Variants in ODAD2 observed in about 807,000 individuals in gnomAD.
ODAD2 encodes the protein outer dynein arm-docking complex subunit 2.
ODAD2 carries 89 observed loss-of-function variants against 106.8 expected under a neutral mutation model. The ratio of observed to expected loss-of-function variants is 0.83; its 90% CI spans 0.70 to 0.99. The LOEUF (loss-of-function observed/expected upper bound fraction) is 0.99. ODAD2 is among the 50% of genes least tolerant of loss of function. The pLI, the probability that ODAD2 is intolerant of heterozygous loss-of-function variation, is 0.00. For missense variants in ODAD2, 1,168 were observed against 1,238.5 expected, an observed-to-expected ratio of 0.94 and a Z score of 0.85; for synonymous variants, 404 against 436.2, an observed-to-expected ratio of 0.93 and a Z score of 0.92.
At chr10:27,829,900 C>T (rs1589769071) in intron 19 of ODAD2, among the ~76,000 whole-genome samples, 1 of 151,204 alleles carries the variant, frequency 6.6e-6, no homozygotes, top group Admixed American at 6.6e-5. Context: ...AGCTTCAGGA[C>T]TGGCCCTAAG....
chr10:27,827,412 T>TATATATATATATATATATATA (rs1837152527), intron 19 of ODAD2, among the ~76,000 whole-genome samples: 2 of 139,270 alleles, frequency 1.4e-5, no homozygotes, highest in African/African-American at 5.5e-5. Flanking sequence ...TATATATATA[T>TATATATATATATATATATATA]TCCATGTTTC....
intron 16 of ODAD2, among the ~76,000 whole-genome samples, chr10:27,928,301 T>G (rs548502964): frequency 1.8e-4 from 28 of 152,282 alleles, no homozygotes; most frequent in Admixed American, 1.2e-3. Flanking sequence ...TGTTCAGTCA[T>G]TCACTTGGTC....
At chr10:27,898,823 G>A (rs2065690) in intron 17 of ODAD2, among the ~76,000 whole-genome samples, 100,657 of 151,914 alleles carry the variant, frequency 0.66, 33,680 homozygotes, top group Middle Eastern at 0.74. Context: ...ATTCCAGTAA[G>A]GATTTGAGAT....
At chr10:27,934,552 T>A (rs1845830103) in intron 16 of ODAD2, among the ~76,000 whole-genome samples, 1 of 151,894 alleles carries the variant, frequency 6.6e-6, no homozygotes, top group African/African-American at 2.4e-5. Flanking sequence ...AATTAGACAA[T>A]AAGGAGCAAC....
intron 10 of ODAD2, among the ~76,000 whole-genome samples, chr10:27,954,528 T>C (rs1847587947): frequency 1.3e-5 from 2 of 150,786 alleles, no homozygotes; most frequent in Admixed American, 1.3e-4. Flanking sequence ...AATGAATGAA[T>C]GAGTTGAAGC....
At chr10:27,920,853 TA>T (rs1284693037) in intron 16 of ODAD2, among the ~76,000 whole-genome samples, 2 of 148,828 alleles carry the variant, frequency 1.3e-5, no homozygotes, top group Non-Finnish European at 3.0e-5. Context: ...AAACCCAATG[TA>T]AAAACTGAAA....
At chr10:27,821,992 A>C (rs1836652055) in intron 19 of ODAD2, among the ~76,000 whole-genome samples, 1 of 152,208 alleles carries the variant, frequency 6.6e-6, no homozygotes, top group Admixed American at 6.5e-5. Context: ...GAGCACTTTA[A>C]AACATCATTC....
chr10:27,908,048 T>A (rs1843727185), intron 16 of ODAD2, among the ~76,000 whole-genome samples: 1 of 152,200 alleles, frequency 6.6e-6, no homozygotes, highest in African/African-American at 2.4e-5. Context: ...ATTTTTTAAT[T>A]AGCTGTACAC....
intron 17 of ODAD2, among the ~76,000 whole-genome samples, chr10:27,863,787 T>C (rs1840244068): frequency 6.6e-6 from 1 of 151,888 alleles, no homozygotes; most frequent in Non-Finnish European, 1.5e-5. Context: ...AATCATCATG[T>C]TGCACAGATC....
intron 7 of ODAD2, among the ~76,000 whole-genome samples, chr10:27,974,315 C>T (rs1378093982): frequency 6.6e-6 from 1 of 151,866 alleles, no homozygotes; most frequent in Non-Finnish European, 1.5e-5. Context: ...GTTGCAATTG[C>T]AAATGGTATT....
At chr10:27,913,198 G>A (rs565692714) in intron 16 of ODAD2, among the ~76,000 whole-genome samples, 21 of 152,024 alleles carry the variant, frequency 1.4e-4, no homozygotes, top group South Asian at 8.4e-4. Flanking sequence ...TACGTGTCGC[G>A]GGGGTTTGGT....
At chr10:27,869,227 G>A (rs1589866949) in intron 17 of ODAD2, among the ~76,000 whole-genome samples, 1 of 151,918 alleles carries the variant, frequency 6.6e-6, no homozygotes, top group East Asian at 1.9e-4. Context: ...AAAACTGAAG[G>A]GTAATGTAAA....
At chr10:27,964,730 T>G (rs1462213861) in intron 9 of ODAD2, among the ~76,000 whole-genome samples, 1 of 152,190 alleles carries the variant, frequency 6.6e-6, no homozygotes, top group Non-Finnish European at 1.5e-5. Context: ...CCCATTATTT[T>G]GTAGCTCAGT....
At chr10:27,887,128 G>T (rs979273132) in intron 17 of ODAD2, among the ~76,000 whole-genome samples, 4 of 151,946 alleles carry the variant, frequency 2.6e-5, no homozygotes, top group Non-Finnish European at 5.9e-5. Context: ...CATCATTTTA[G>T]ATTTAAGGAT....
chr10:27,944,282 A>G lies in ODAD2; in HGVS notation c.1683T>C (p.Asn561=), dbSNP rs1846701519. 6.2e-7 allele frequency: 1 copy of G among 1,614,012 alleles called. No homozygotes were observed. The highest frequency in any genetic ancestry group is 2.2e-5 in the East Asian group (1 of 44,820). ...GCCGTGCTCTTTTAAACTTGGCAAC[A>G]TTCGCGATAGTCTCGGCTGCCAAAC... ...LKCLAAETIA[N]VAKFKRARRV... The change falls in exon 12 of 20, where the codon AAT becomes AAC. Residue 561 remains asparagine (N), a synonymous_variant. Transcript: ENST00000305242.
At position 27,845,702 on chromosome 10, in the gene ODAD2, G is replaced by C. The variant is rs371761494; in HGVS notation, c.3021+14923C>G. ...ATCTCATGTGCAGAGACACACATAG[G>C]ATCAAAATAAAGGTATGGAGGAAGA... On this transcript the variant is annotated intron_variant, in intron 19 of 19. Coordinates refer to ENST00000305242, the MANE Select transcript of ODAD2 (RefSeq NM_018076.5). Among the ~76,000 whole-genome samples, 220 of 152,230 alleles carry C rather than the reference G, an allele frequency of 1.4e-3. 6 individuals are homozygous for C. The South Asian group carries it at 0.044, about 31-fold the overall frequency.
At chr10:27,976,330 C>T (rs1192450806) in intron 7 of ODAD2, among the ~76,000 whole-genome samples, 2 of 152,042 alleles carry the variant, frequency 1.3e-5, no homozygotes, top group African/African-American at 2.4e-5. Flanking sequence ...ATGATCTTTA[C>T]TCACTAACAA....
intron 17 of ODAD2, among the ~76,000 whole-genome samples, chr10:27,883,225 G>A (rs980837005): frequency 6.6e-6 from 1 of 151,980 alleles, no homozygotes; most frequent in Non-Finnish European, 1.5e-5. Context: ...TTATCACAGG[G>A]TGGCAGACTT....
At chr10:27,874,560 A>T (rs1268113784) in intron 17 of ODAD2, among the ~76,000 whole-genome samples, 1 of 152,126 alleles carries the variant, frequency 6.6e-6, no homozygotes, top group East Asian at 1.9e-4. Flanking sequence ...GTGGTGACAA[A>T]ATCTCTCAGC....
Sources: allele counts gnomAD v4.1 joint callset (sites outside exome capture counted in the v4.1 genomes callset), GRCh38; gene constraint gnomAD v4.1.1; transcripts MANE v1.5; gene names NCBI Gene and HGNC (gene_info 2026-07-23, HGNC 2026-07-21).